The following ABI3BP variants were observed in gnomAD, a reference collection of about 807,000 sequenced individuals.
ABI3BP encodes target of Nesh-SH3.
ABI3BP carries 216 observed loss-of-function variants against 268.6 expected under a neutral mutation model. The observed-to-expected ratio is 0.80, with a 90% CI of 0.72 to 0.90. The LOEUF is 0.90. ABI3BP is among the 40% of genes least tolerant of loss of function. The probability of loss-of-function intolerance (pLI) is 0.00; values close to 1 mark genes in which losing one functional copy is unlikely to be tolerated. For missense variants in ABI3BP, 2,090 were observed against 2,182.4 expected (o/e 0.96, Z 0.84); for synonymous variants, 730 against 730.0 (o/e 1.00, Z 0.00).
chr3:100,804,802 G>A lies in ABI3BP; in HGVS notation c.3747C>T (p.Tyr1249=), dbSNP rs751439833. The A allele has an allele frequency of 6.8e-6, 11 of 1,612,892 alleles. No individual in the cohort carries two copies. The highest frequency in any genetic ancestry group is 9.3e-6 in the Non-Finnish European group (11 of 1,179,024). ...PKTSPSPEVS[Y]TTPAPKDVLL... Reference sequence around the variant, plus strand: ...AAATAAAGCATTTACCAGGTGTGGTGTATGACACTTCTGGACTTGGTGACG... The same window carrying A: ...AAATAAAGCATTTACCAGGTGTGGTATATGACACTTCTGGACTTGGTGACG... Residue 1249 remains tyrosine (Y), a synonymous_variant, in exon 51 of 68, where the codon TAC becomes TAT. Coordinates refer to ENST00000471714, the MANE Select transcript of ABI3BP (RefSeq NM_001375547.2).
At chr3:100,816,792 C>T in intron 42 of ABI3BP, 24 bp from the exon 43 acceptor site, 3 of 1,530,920 alleles carry the variant, frequency 2.0e-6, no homozygotes, top group Non-Finnish European at 2.6e-6. Flanking sequence ...CTTTGGATTA[C>T]TCTAGTGCAG....
intron 14 of ABI3BP, among the ~76,000 whole-genome samples, chr3:100,858,441 G>T (rs958372151): frequency 6.6e-6 from 1 of 152,136 alleles, no homozygotes; most frequent in African/African-American, 2.4e-5. Context: ...TCCCCTGGTT[G>T]CCAAAAACTG....
chr3:100,811,369 T>C (rs2097857624), intron 47 of ABI3BP, 92 bp from the exon 48 acceptor site: 1 of 1,000,088 alleles, frequency 1.0e-6, no homozygotes, highest in African/African-American at 1.6e-5. Flanking sequence ...ATAATTTGCA[T>C]CATAATTTTA....
At chr3:100,967,995 G>C (rs985516463) in intron 1 of ABI3BP, among the ~76,000 whole-genome samples, 4 of 152,016 alleles carry the variant, frequency 2.6e-5, no homozygotes, top group Non-Finnish European at 4.4e-5. Context: ...ATTAGGAGGG[G>C]GCCAACCATC....
chr3:100,838,939 T>G (rs776600413), intron 24 of ABI3BP, among the ~76,000 whole-genome samples: 16 of 152,182 alleles, frequency 1.1e-4, no homozygotes, highest in Non-Finnish European at 2.2e-4. Flanking sequence ...TTTTGAGCGC[T>G]AAGAAACTAT....
At chr3:100,817,573 A>T in intron 41 of ABI3BP, 78 bp from the exon 42 acceptor site, 3 of 1,126,242 alleles carry the variant, frequency 2.7e-6, no homozygotes, top group Non-Finnish European at 3.7e-6. Context: ...AAGCTTCAGA[A>T]CTTAAAAGTA....
chr3:100,835,386 G>A (rs1049017135), intron 28 of ABI3BP, among the ~76,000 whole-genome samples: 4 of 152,158 alleles, frequency 2.6e-5, no homozygotes, highest in African/African-American at 9.6e-5. Flanking sequence ...TGGGAAAAAT[G>A]GGACACAGAT....
At chr3:100,763,458 T>C (rs1306897594) in intron 63 of ABI3BP, among the ~76,000 whole-genome samples, 2 of 147,268 alleles carry the variant, frequency 1.4e-5, no homozygotes, top group East Asian at 3.9e-4. Context: ...AGCAAGACTC[T>C]GTCTCAAAAA....
At chr3:100,762,181 T>C (rs572914533) in intron 63 of ABI3BP, among the ~76,000 whole-genome samples, 32 of 152,310 alleles carry the variant, frequency 2.1e-4, no homozygotes, top group Non-Finnish European at 3.7e-4. Context: ...TGGTGTCTTT[T>C]ATTAGTGTTA....
chr3:100,817,908 T>C (rs965687233), intron 41 of ABI3BP, among the ~76,000 whole-genome samples: 1 of 152,212 alleles, frequency 6.6e-6, no homozygotes, highest in Non-Finnish European at 1.5e-5. Flanking sequence ...TTCATATGTA[T>C]GAAAGCATAA....
intron 57 of ABI3BP, among the ~76,000 whole-genome samples, chr3:100,786,337 T>C (rs2097044966): frequency 6.6e-6 from 1 of 152,180 alleles, no homozygotes; most frequent in Non-Finnish European, 1.5e-5. Context: ...CAAAGCTAAG[T>C]TGGATACATT....
chr3:100,850,688 T>G lies in ABI3BP; in HGVS notation c.1398A>C (p.Arg466Ser). ...ILDSIPPKTS[R>S]TLEQPRATLA... ...GTGTTGCCCTTGGCTGTTCAAGAGT[T>G]CTAGAAGTTTTAGGTGGGATAGAAT... Residue 466 changes from arginine (R) to serine (S), a missense_variant, in exon 16 of 68, where the codon AGA becomes AGC. Physicochemically the swap from Arg to Ser is moderately radical, Grantham distance 110. Coordinates refer to ENST00000471714, the MANE Select transcript of ABI3BP (RefSeq NM_001375547.2). 6.2e-7 allele frequency: 1 copy of G among 1,613,320 alleles called. No homozygotes were observed. Among genetic ancestry groups the G allele is most frequent in the Non-Finnish European group, 8.5e-7 (1 of 1,179,398 alleles).
rs5851225 is a variant in ABI3BP, at chr3:100,832,765, C to CAA, written c.2314+358_2314+359dup. 5.8e-3 allele frequency among the ~76,000 whole-genome samples: 860 copies of CAA among 147,456 alleles called. 14 individuals are homozygous for CAA. Among genetic ancestry groups the CAA allele is most frequent in the African/African-American group, 0.02 (834 of 41,306 alleles). On this transcript the variant is annotated intron_variant, in intron 30 of 67. Coordinates refer to ENST00000471714, the MANE Select transcript of ABI3BP (RefSeq NM_001375547.2). ...AAAATTCACAGAAACATCAATAAAGCAAAAAAAATTACATACAATTTGAAA... is the reference window on the plus strand; with the variant it reads ...AAAATTCACAGAAACATCAATAAAGCAAAAAAAAAATTACATACAATTTGAAA...
intron 18 of ABI3BP, 45 bp from the exon 19 acceptor site, chr3:100,847,718 TAA>T (rs1212940048): frequency 6.7e-7 from 1 of 1,487,624 alleles, no homozygotes; most frequent in Non-Finnish European, 9.4e-7. Flanking sequence ...CTAGAGACAA[TAA>T]AAAGACACCC....
intron 1 of ABI3BP, among the ~76,000 whole-genome samples, chr3:100,940,027 G>A (rs562003146): frequency 5.3e-5 from 8 of 152,186 alleles, no homozygotes; most frequent in African/African-American, 9.6e-5. Context: ...CCGGCTCACC[G>A]GTGGTCAGAG....
chr3:100,769,542 A>G (rs2096473400), intron 62 of ABI3BP, among the ~76,000 whole-genome samples: 1 of 152,224 alleles, frequency 6.6e-6, no homozygotes, highest in Non-Finnish European at 1.5e-5. Context: ...TTCCAACTCA[A>G]TGTTCCGTAT....
intron 1 of ABI3BP, among the ~76,000 whole-genome samples, chr3:100,942,728 CT>C (rs1344108357): frequency 1.3e-5 from 2 of 152,070 alleles, no homozygotes; most frequent in Non-Finnish European, 2.9e-5. Flanking sequence ...CATCTGGGAA[CT>C]TGTGAGACCC....
chr3:100,802,996 A>G (rs1366981936), intron 51 of ABI3BP, among the ~76,000 whole-genome samples: 1 of 146,270 alleles, frequency 6.8e-6, no homozygotes. Context: ...TTCTGAGAAA[A>G]CTGAAATGTG....
intron 1 of ABI3BP, among the ~76,000 whole-genome samples, chr3:100,989,599 T>C (rs1484961909): frequency 6.6e-6 from 1 of 152,228 alleles, no homozygotes; most frequent in African/African-American, 2.4e-5. Flanking sequence ...GCCATCAGAT[T>C]ACACTTGTAT....
Sources: allele counts gnomAD v4.1 joint callset (sites outside exome capture counted in the v4.1 genomes callset), GRCh38; gene constraint gnomAD v4.1.1; transcripts MANE v1.5; gene names NCBI Gene and HGNC (gene_info 2026-07-23, HGNC 2026-07-21).